The following GPR39 variants were observed in gnomAD, a reference collection of about 807,000 sequenced individuals.
The protein encoded by GPR39 is G protein-coupled receptor 39, also known as zinc sensing receptor.
In GPR39, 23 loss-of-function variants were observed where a neutral mutation model predicts 18.4. The ratio of observed to expected loss-of-function variants is 1.25; its 90% CI spans 0.90 to 1.77. The LOEUF is 1.77. GPR39 is among the 40% of genes most tolerant of loss of function. GPR39 has a pLI of 0.00. For synonymous variants in GPR39, 280 were observed against 257.9 expected (o/e 1.09, Z -0.82); for missense variants, 647 against 602.4 (o/e 1.07, Z -0.78).
At chr2:132,428,681 T>C (rs1680172531) in intron 1 of GPR39, among the ~76,000 whole-genome samples, 1 of 152,200 alleles carries the variant, frequency 6.6e-6, no homozygotes, top group Admixed American at 6.5e-5. Flanking sequence ...AACATCAGGG[T>C]ATGAGAAGCA....
chr2:132,512,275 C>T (rs1180378635), intron 1 of GPR39, among the ~76,000 whole-genome samples: 3 of 152,118 alleles, frequency 2.0e-5, no homozygotes, highest in African/African-American at 4.8e-5. Flanking sequence ...GAAGAATAGG[C>T]CCAGTTAACC....
intron 1 of GPR39, among the ~76,000 whole-genome samples, chr2:132,551,270 C>T (rs548222719): frequency 1.1e-4 from 17 of 150,514 alleles, no homozygotes; most frequent in African/African-American, 2.7e-4. Flanking sequence ...CTGCATCTTC[C>T]GTGTTATTGG....
intron 1 of GPR39, among the ~76,000 whole-genome samples, chr2:132,481,002 A>C (rs1181988361): frequency 6.6e-6 from 1 of 152,190 alleles, no homozygotes; most frequent in Non-Finnish European, 1.5e-5. Flanking sequence ...TATCTACAGG[A>C]TTGGTTGTAA....
At chr2:132,609,770 TG>T (rs1261575652) in intron 1 of GPR39, among the ~76,000 whole-genome samples, 1 of 152,208 alleles carries the variant, frequency 6.6e-6, no homozygotes, top group East Asian at 1.9e-4. Flanking sequence ...AAAACAAATC[TG>T]GGTCCCAGTC....
chr2:132,490,985 G>A (rs923531880), intron 1 of GPR39, among the ~76,000 whole-genome samples: 6 of 152,146 alleles, frequency 3.9e-5, no homozygotes, highest in African/African-American at 1.4e-4. Flanking sequence ...TCATAACTGG[G>A]CACCAGCTCA....
intron 1 of GPR39, among the ~76,000 whole-genome samples, chr2:132,485,982 TTAAA>T (rs1353137247): frequency 6.6e-6 from 1 of 152,238 alleles, no homozygotes; most frequent in Non-Finnish European, 1.5e-5. Flanking sequence ...GAAGTATTTC[TTAAA>T]TAATTAGACT....
intron 1 of GPR39, among the ~76,000 whole-genome samples, chr2:132,630,585 ACT>A (rs1435359784): frequency 6.6e-6 from 1 of 152,046 alleles, no homozygotes; most frequent in Non-Finnish European, 1.5e-5. Flanking sequence ...GGTGATGTGA[ACT>A]CTTCTGTGAC....
chr2:132,457,364 C>T (rs116262937), intron 1 of GPR39, among the ~76,000 whole-genome samples: 9 of 152,272 alleles, frequency 5.9e-5, no homozygotes, highest in African/African-American at 1.9e-4. Context: ...ACTGTTTATT[C>T]GAGTTAACCA....
intron 1 of GPR39, among the ~76,000 whole-genome samples, chr2:132,605,744 G>A (rs1681125972): frequency 6.6e-6 from 1 of 152,210 alleles, no homozygotes; most frequent in Non-Finnish European, 1.5e-5. Flanking sequence ...TCCCTGAGGG[G>A]TGTTCAGTCG....
At chr2:132,493,482 A>G (rs1347906935) in intron 1 of GPR39, among the ~76,000 whole-genome samples, 5 of 135,384 alleles carry the variant, frequency 3.7e-5, no homozygotes, top group African/African-American at 1.1e-4. Flanking sequence ...ATATATATAT[A>G]TACACCATAT....
At chr2:132,496,635 C>T (rs1681647006) in intron 1 of GPR39, among the ~76,000 whole-genome samples, 1 of 152,206 alleles carries the variant, frequency 6.6e-6, no homozygotes, top group South Asian at 2.1e-4. Flanking sequence ...CAGTTCTCCT[C>T]GGCTCTGAGT....
In GPR39 at chr2:132,646,186, T is replaced by TGA. The variant is rs764730795; in HGVS notation, c.*582_*583dup. On this transcript the variant is annotated 3_prime_UTR_variant, in exon 2 of 2. Coordinates refer to ENST00000329321, the MANE Select transcript of GPR39 (RefSeq NM_001508.3). Reference sequence around the variant, plus strand: ...GGGTGTTGCAGCAGCTGATGCAAACTGAGTTCAGTTTCCCTGGGGAGCAGA... The same window carrying TGA: ...GGGTGTTGCAGCAGCTGATGCAAACTGAGAGTTCAGTTTCCCTGGGGAGCAGA... The TGA allele has an allele frequency of 6.2e-7, 1 of 1,609,794 alleles. No individual in the cohort carries two copies. The highest frequency in any genetic ancestry group is 8.5e-7 in the Non-Finnish European group (1 of 1,177,676).
At chr2:132,429,844 T>C (rs188054509) in intron 1 of GPR39, among the ~76,000 whole-genome samples, 21 of 152,368 alleles carry the variant, frequency 1.4e-4, no homozygotes, top group African/African-American at 5.0e-4. Flanking sequence ...CTGTTTGTCC[T>C]AAGAACTCTG....
chr2:132,430,080 A>G (rs530439070), intron 1 of GPR39, among the ~76,000 whole-genome samples: 57 of 152,224 alleles, frequency 3.7e-4, no homozygotes, highest in Non-Finnish European at 6.8e-4. Flanking sequence ...CCATGTGGCC[A>G]AGGTGTGTGT....
At chr2:132,545,006 A>T (rs1384686855) in intron 1 of GPR39, among the ~76,000 whole-genome samples, 1 of 152,220 alleles carries the variant, frequency 6.6e-6, no homozygotes, top group Non-Finnish European at 1.5e-5. Flanking sequence ...AATCAGCGGA[A>T]AGTACACCCA....
At chr2:132,569,744 G>A (rs1347599111) in intron 1 of GPR39, among the ~76,000 whole-genome samples, 1 of 152,076 alleles carries the variant, frequency 6.6e-6, no homozygotes. Flanking sequence ...CCCATGTGTT[G>A]TGGGAGGGAC....
chr2:132,461,552 G>A (rs1680831849), intron 1 of GPR39, among the ~76,000 whole-genome samples: 1 of 152,118 alleles, frequency 6.6e-6, no homozygotes, highest in East Asian at 1.9e-4. Flanking sequence ...AATCATTTTG[G>A]TCTGTGGGTT....
chr2:132,607,073 G>A (rs1444606545), intron 1 of GPR39, among the ~76,000 whole-genome samples: 1 of 152,134 alleles, frequency 6.6e-6, no homozygotes, highest in Non-Finnish European at 1.5e-5. Context: ...CTGGGGGCGG[G>A]TAATATGGAT....
At chr2:132,639,824 T>G (rs912054343) in intron 1 of GPR39, among the ~76,000 whole-genome samples, 7 of 152,156 alleles carry the variant, frequency 4.6e-5, no homozygotes, top group African/African-American at 1.4e-4. Context: ...AGCAAGACAG[T>G]GCATAGGAAA....
Sources: gnomAD v4.1 joint callset for allele counts (sites outside exome capture counted in the v4.1 genomes callset) on GRCh38, gnomAD v4.1.1 for gene constraint, MANE v1.5 for transcripts, NCBI Gene and HGNC (gene_info 2026-07-23, HGNC 2026-07-21) for gene names.